BRF1: variants seen among roughly 807,000 people sequenced by gnomAD.
The protein encoded by BRF1 is BRF1 general transcription factor IIIB subunit, also known as transcription factor IIIB 90 kDa subunit.
BRF1 carries 59 observed loss-of-function variants against 81.7 expected under a neutral mutation model. The observed-to-expected ratio is 0.72, with a 90% CI of 0.59 to 0.90. The LOEUF is 0.90. Among genes scored for constraint, BRF1 ranks in the 40% least tolerant of loss-of-function variants. The probability of loss-of-function intolerance (pLI) is 0.00; values close to 1 mark genes in which losing one functional copy is unlikely to be tolerated. For synonymous variants in BRF1, 491 were observed against 395.6 expected, an observed-to-expected ratio of 1.24 and a Z score of -2.86; for missense variants, 1,050 against 936.3, an observed-to-expected ratio of 1.12 and a Z score of -1.58.
upstream of BRF1, among the ~76,000 whole-genome samples, chr14:105,304,891 C>T (rs970379850): frequency 1.3e-5 from 2 of 152,158 alleles, no homozygotes; most frequent in Non-Finnish European, 2.9e-5. Flanking sequence ...AAGACCTGCC[C>T]CCATGATTCA....
At chr14:105,286,144 C>T in intron 2 of BRF1, 152 bp downstream of exon 2, 1 of 897,908 alleles carries the variant, frequency 1.1e-6, no homozygotes. Flanking sequence ...GGCACAATTC[C>T]TCCTGGAAAG....
intron 1 of BRF1, among the ~76,000 whole-genome samples, chr14:105,288,706 T>C (rs2057408203): frequency 6.8e-6 from 1 of 146,448 alleles, no homozygotes; most frequent in African/African-American, 2.5e-5. Context: ...TGATCTTGGC[T>C]CACTGCAAGC....
intron 4 of BRF1, chr14:105,256,292 G>C (rs909914673): frequency 6.5e-7 from 1 of 1,546,390 alleles, no homozygotes; most frequent in Non-Finnish European, 8.7e-7. Context: ...GCATTGGCAG[G>C]TGCCCTCCTG....
chr14:105,249,491 T>C, intron 5 of BRF1: 1 of 1,596,092 alleles, frequency 6.3e-7, no homozygotes, highest in Non-Finnish European at 8.6e-7. Flanking sequence ...AAGTCCACTC[T>C]ACTGGGGAGG....
At chr14:105,279,219 A>C (rs1382569226) in intron 2 of BRF1, among the ~76,000 whole-genome samples, 1 of 152,182 alleles carries the variant, frequency 6.6e-6, no homozygotes, top group Non-Finnish European at 1.5e-5. Context: ...TCTCAAAAAA[A>C]AAAATTCAGA....
chr14:105,242,517 C>A (rs1434864236), intron 5 of BRF1: 1 of 151,854 alleles, frequency 6.6e-6, no homozygotes, highest in African/African-American at 2.4e-5. Context: ...GGGCGGATCA[C>A]CTGAGGTCCG....
At chr14:105,313,471 A>G (rs888677590) in intron 1 of BRF1, among the ~76,000 whole-genome samples, 7 of 152,242 alleles carry the variant, frequency 4.6e-5, no homozygotes. Flanking sequence ...TGGGAAACAC[A>G]GAGTCCCTTG....
chr14:105,229,571 G>C (rs748778004), intron 6 of BRF1, among the ~76,000 whole-genome samples: 8 of 152,242 alleles, frequency 5.3e-5, no homozygotes, highest in Admixed American at 1.3e-4. Context: ...CAAGGGCAAA[G>C]TGAGAGTCTG....
chr14:105,270,902 C>A (rs2056626577), intron 3 of BRF1, among the ~76,000 whole-genome samples: 1 of 152,134 alleles, frequency 6.6e-6, no homozygotes, highest in South Asian at 2.1e-4. Flanking sequence ...GCCCTCCCTG[C>A]ACCCCACTCA....
intron 1 of BRF1, among the ~76,000 whole-genome samples, chr14:105,306,287 GTTTGTTTTGT>G (rs202210208): frequency 2.6e-4 from 39 of 151,382 alleles, no homozygotes; most frequent in East Asian, 1.2e-3. Flanking sequence ...TTGTTTTTGG[GTTTGTTTTGT>G]TTTGTTTTGT....
At chr14:105,243,611 A>G (rs951026546) in intron 5 of BRF1, among the ~76,000 whole-genome samples, 2 of 151,562 alleles carry the variant, frequency 1.3e-5, no homozygotes, top group African/African-American at 2.4e-5. Context: ...GAAAAAAAAA[A>G]AGAGAGAGAA....
At chr14:105,286,695 T>C (rs1222378868) in intron 1 of BRF1, among the ~76,000 whole-genome samples, 1 of 152,098 alleles carries the variant, frequency 6.6e-6, no homozygotes, top group Non-Finnish European at 1.5e-5. Flanking sequence ...AAGCTCCGCC[T>C]CCTGGGTTCA....
intron 2 of BRF1, among the ~76,000 whole-genome samples, chr14:105,282,247 C>T (rs971184410): frequency 1.3e-5 from 2 of 152,170 alleles, no homozygotes; most frequent in South Asian, 2.1e-4. Flanking sequence ...ACAGTCTCAG[C>T]GTGTCCCCAG....
intron 8 of BRF1, 149 bp from the exon 9 acceptor site, chr14:105,226,439 C>T (rs1169852351): frequency 1.6e-5 from 23 of 1,442,336 alleles, no homozygotes; most frequent in Non-Finnish European, 2.1e-5. Context: ...CTGTGTCCCC[C>T]ATGGGAAGAG....
intron 3 of BRF1, among the ~76,000 whole-genome samples, chr14:105,265,045 C>CTTTTTTTTTT (rs587772604): frequency 3.7e-5 from 5 of 135,174 alleles, no homozygotes; most frequent in African/African-American, 1.1e-4. Context: ...TCTACTTATC[C>CTTTTTTTTTT]TTTTTTTTGT....
intron 1 of BRF1, among the ~76,000 whole-genome samples, chr14:105,288,456 A>C (rs2057396420): frequency 6.6e-6 from 1 of 150,582 alleles, no homozygotes; most frequent in Non-Finnish European, 1.5e-5. Flanking sequence ...CGTCTCAAAA[A>C]AATAAAAATA....
chr14:105,221,770 C>T lies in BRF1; in HGVS notation c.1193G>A (p.Ser398Asn). ...CGGAGGTCTGCCGCCCCACTCGGGG[C>T]TTCCTGCTGCTTCCGAGCTGCCGGG... ...GAPGSSEAAG[S>N]PEWGGRPPAL... The change falls in exon 11 of 18, where the codon AGC (serine) becomes AAC (asparagine). Residue 398 changes from serine (S) to asparagine (N), a missense_variant. Ser to Asn is a conservative substitution (Grantham distance 46). Transcript: ENST00000547530. 2 of 1,611,658 alleles carry T rather than the reference C, an allele frequency of 1.2e-6. No homozygotes were observed. Among genetic ancestry groups the T allele is most frequent in the Non-Finnish European group, 1.7e-6 (2 of 1,179,718 alleles).
chr14:105,312,288 T>C (rs1356538922), intron 1 of BRF1, among the ~76,000 whole-genome samples: 3 of 152,170 alleles, frequency 2.0e-5, no homozygotes, highest in Non-Finnish European at 4.4e-5. Flanking sequence ...TTAATACCAA[T>C]GGAATCCTAG....
chr14:105,312,126 A>G (rs925882570), intron 1 of BRF1, among the ~76,000 whole-genome samples: 1 of 152,118 alleles, frequency 6.6e-6, no homozygotes, highest in African/African-American at 2.4e-5. Context: ...GGCTGAGGAG[A>G]TGAATGCGTT....
Sources: allele counts gnomAD v4.1 joint callset (sites outside exome capture counted in the v4.1 genomes callset), GRCh38; gene constraint gnomAD v4.1.1; transcripts MANE v1.5; gene names NCBI Gene and HGNC (gene_info 2026-07-23, HGNC 2026-07-21).